Variants in ROR2 observed in about 807,000 individuals in gnomAD.
ROR2 encodes the protein ROR family WNT receptor 2.
In ROR2, 33 loss-of-function variants were observed where a neutral mutation model predicts 74.9. The ratio of observed to expected loss-of-function variants is 0.44; its 90% CI spans 0.33 to 0.59. ROR2 has a LOEUF of 0.59. Ranked by LOEUF, ROR2 falls within the 20% of genes least tolerant of loss-of-function variation. The pLI is 0.02. For missense variants in ROR2, 1,216 were observed against 1,313.8 expected, an observed-to-expected ratio of 0.93 and a Z score of 1.15; for synonymous variants, 586 against 558.7, an observed-to-expected ratio of 1.05 and a Z score of -0.69.
Position 91,791,894 on chromosome 9 carries a change from A to G in ROR2, c.98-16076T>C, listed in dbSNP as rs531142359. Among the ~76,000 whole-genome samples, 5 of 152,340 alleles carry G rather than the reference A, an allele frequency of 3.3e-5. No homozygotes were observed. In the South Asian group the frequency reaches 1.0e-3, roughly 32 times the overall value. ...AATACATTTAAAAAGATTAAAAATC[A>G]AAAAGTATGTTTAACCACAATGGAA... is the stretch of plus-strand genomic sequence containing the variant. On this transcript the variant is annotated intron_variant, in intron 1 of 8. Coordinates refer to ENST00000375708, the MANE Select transcript of ROR2 (RefSeq NM_004560.4).
chr9:91,767,763 TAAAACGGGG>T (rs1171403426), intron 2 of ROR2, among the ~76,000 whole-genome samples: 1 of 152,180 alleles, frequency 6.6e-6, no homozygotes, highest in African/African-American at 2.4e-5. Flanking sequence ...GGGAGTCAGA[TAAAACGGGG>T]AAAACTAGAA....
At position 91,767,949 on chromosome 9, in the gene ROR2, A is replaced by G. The variant is rs181962781; in HGVS notation, c.175+7792T>C. On this transcript the variant is annotated intron_variant, in intron 2 of 8. Transcript: ENST00000375708. Reference sequence around the variant, plus strand: ...TTGGAAACAGGGTCACTGCAGATGTAACGAAGTTAAGAGGAGTCCTACTTG... The same window carrying G: ...TTGGAAACAGGGTCACTGCAGATGTGACGAAGTTAAGAGGAGTCCTACTTG... Among the ~76,000 whole-genome samples, 146 of 152,320 alleles carry G rather than the reference A, an allele frequency of 9.6e-4. 1 individual carries two copies. The highest frequency in any genetic ancestry group is 1.8e-3 in the Non-Finnish European group (120 of 68,030).
chr9:91,903,960 A>G (rs751719887), intron 1 of ROR2, among the ~76,000 whole-genome samples: 1 of 152,190 alleles, frequency 6.6e-6, no homozygotes, highest in African/African-American at 2.4e-5. Flanking sequence ...AGATATTCAA[A>G]GAAACATGTG....
chr9:91,941,838 T>G (rs967802449), intron 1 of ROR2, among the ~76,000 whole-genome samples: 2 of 145,022 alleles, frequency 1.4e-5, no homozygotes, highest in Non-Finnish European at 3.0e-5. Flanking sequence ...CTGCCCAGAC[T>G]GGAGTGTAGT....
At chr9:91,882,896 G>C in intron 1 of ROR2, among the ~76,000 whole-genome samples, 1 of 152,186 alleles carries the variant, frequency 6.6e-6, no homozygotes. Context: ...AGAACTGGGA[G>C]AAAGTAAATG....
chr9:91,792,548 T>A (rs1204375923), intron 1 of ROR2, among the ~76,000 whole-genome samples: 1 of 152,170 alleles, frequency 6.6e-6, no homozygotes, highest in Non-Finnish European at 1.5e-5. Flanking sequence ...GACCTTGTGA[T>A]CCGCCCACCT....
rs766765547 is a variant in ROR2, at chr9:91,745,413, C to T, written c.495-7895G>A. On this transcript the variant is annotated intron_variant, in intron 4 of 8. Transcript: ENST00000375708. ...GTGCTAGGATTACAGGCATGAGCCA[C>T]CATGCCCAGCCTATTTTTTTTTTTT... 1.9e-3 allele frequency among the ~76,000 whole-genome samples: 283 copies of T among 148,096 alleles called. 1 individual carries two copies. Among genetic ancestry groups the T allele is most frequent in the Middle Eastern group, 7.0e-3 (2 of 284 alleles).
chr9:91,885,143 G>A (rs889173953), intron 1 of ROR2, among the ~76,000 whole-genome samples: 3 of 152,160 alleles, frequency 2.0e-5, no homozygotes, highest in Non-Finnish European at 4.4e-5. Context: ...TGGAAGGCAT[G>A]AGCCTCTGCA....
intron 1 of ROR2, among the ~76,000 whole-genome samples, chr9:91,844,807 A>G (rs1317462481): frequency 2.0e-5 from 3 of 152,098 alleles, no homozygotes; most frequent in African/African-American, 4.8e-5. Flanking sequence ...ATGATTTTCT[A>G]TACTCCCCCA....
intron 1 of ROR2, among the ~76,000 whole-genome samples, chr9:91,825,152 A>T (rs1828246346): frequency 6.6e-6 from 1 of 152,256 alleles, no homozygotes; most frequent in African/African-American, 2.4e-5. Flanking sequence ...TAACACACAG[A>T]AGCCCTTAAA....
chr9:91,925,234 G>A lies in ROR2; in HGVS notation c.97+24633C>T, dbSNP rs568347440. 3.3e-5 allele frequency among the ~76,000 whole-genome samples: 5 copies of A among 152,098 alleles called. No individual in the cohort carries two copies. In the South Asian group the frequency reaches 1.0e-3, roughly 32 times the overall value. ...CCACTGAGAGAACCATCGCTGTAGG[G>A]CCCTAGTCTTCTAGAAGAGGACACC... On this transcript the variant is annotated intron_variant, in intron 1 of 8. Transcript: ENST00000375708.
intron 1 of ROR2, among the ~76,000 whole-genome samples, chr9:91,932,450 G>C (rs1358513046): frequency 6.6e-6 from 1 of 151,890 alleles, no homozygotes; most frequent in African/African-American, 2.4e-5. Context: ...AATAGTCTTA[G>C]ATTCATGACC....
chr9:91,825,864 G>A (rs1414559677), intron 1 of ROR2, among the ~76,000 whole-genome samples: 5 of 152,208 alleles, frequency 3.3e-5, no homozygotes, highest in African/African-American at 9.7e-5. Context: ...GGCAAACACT[G>A]ATTCTGAGGC....
intron 4 of ROR2, among the ~76,000 whole-genome samples, chr9:91,742,331 T>C (rs1825281828): frequency 6.6e-6 from 1 of 152,202 alleles, no homozygotes; most frequent in South Asian, 2.1e-4. Context: ...GGATCCCTCC[T>C]GCAACATGTG....
intron 1 of ROR2, among the ~76,000 whole-genome samples, chr9:91,909,847 G>GGTT (rs766353760): frequency 1.9e-5 from 1 of 53,598 alleles, no homozygotes; most frequent in South Asian, 1.0e-3. Flanking sequence ...GGTTTGTTTT[G>GGTT]TTTTTTTTTT....
At chr9:91,737,802 T>TA (rs982349713) in intron 4 of ROR2, among the ~76,000 whole-genome samples, 20 of 150,168 alleles carry the variant, frequency 1.3e-4, no homozygotes, top group South Asian at 2.1e-4. Flanking sequence ...TATTTAGTGC[T>TA]AAAAAAAAAT....
chr9:91,889,410 G>GT (rs1312885674), intron 1 of ROR2, among the ~76,000 whole-genome samples: 1 of 152,194 alleles, frequency 6.6e-6, no homozygotes, highest in African/African-American at 2.4e-5. Context: ...GACAGAGAAG[G>GT]TATGTCCACA....
chr9:91,743,858 C>T (rs902482072), intron 4 of ROR2, among the ~76,000 whole-genome samples: 1 of 152,132 alleles, frequency 6.6e-6, no homozygotes, highest in Non-Finnish European at 1.5e-5. Flanking sequence ...CTTGAAACTT[C>T]AAAAATCACA....
intron 1 of ROR2, among the ~76,000 whole-genome samples, chr9:91,879,606 A>G (rs913183325): frequency 6.6e-6 from 1 of 152,060 alleles, no homozygotes; most frequent in African/African-American, 2.4e-5. Context: ...ATATACACTC[A>G]CGCACTTATG....
Sources: allele counts gnomAD v4.1 joint callset (sites outside exome capture counted in the v4.1 genomes callset), GRCh38; gene constraint gnomAD v4.1.1; transcripts MANE v1.5; gene names NCBI Gene and HGNC (gene_info 2026-07-23, HGNC 2026-07-21).